KTN1: variants seen among roughly 807,000 people sequenced by gnomAD.
KTN1 encodes the protein kinectin 1.
A neutral mutation model predicts 222.5 loss-of-function variants in KTN1; 130 were observed. That is an observed-to-expected ratio of 0.58 (90% CI 0.51 to 0.68). The LOEUF (loss-of-function observed/expected upper bound fraction) is 0.68, where lower values mean the gene tolerates loss of function less well. Ranked by LOEUF, KTN1 falls within the 30% of genes least tolerant of loss-of-function variation. KTN1 has a pLI of 0.00. For synonymous variants in KTN1, 512 were observed against 496.3 expected (o/e 1.03, Z -0.42); for missense variants, 1,508 against 1,500.4 (o/e 1.01, Z -0.08).
chr14:55,637,045 A>G lies in KTN1; in HGVS notation c.1550-153A>G, dbSNP rs368911603. ...CTCTACTACTCCCTTTCTCCCATGA[A>G]ACGCAAGTATAGCCTGCTACAGGAG... On this transcript the variant is annotated intron_variant, in intron 10 of 43. Transcript: ENST00000395314. Among the ~76,000 whole-genome samples, 6 of 152,150 alleles carry G rather than the reference A, an allele frequency of 3.9e-5. No homozygotes were observed. The East Asian group carries it at 9.7e-4, about 24-fold the overall frequency.
At chr14:55,645,979 G>A (rs1362832316) in intron 18 of KTN1, among the ~76,000 whole-genome samples, 3 of 152,128 alleles carry the variant, frequency 2.0e-5, no homozygotes, top group African/African-American at 4.8e-5. Context: ...TGGGAAAGAG[G>A]TGCACAGAAG....
intron 41 of KTN1, among the ~76,000 whole-genome samples, chr14:55,676,577 T>C (rs1234336158): frequency 6.6e-6 from 1 of 152,194 alleles, no homozygotes; most frequent in Non-Finnish European, 1.5e-5. Context: ...ATTTTGATAG[T>C]ATAAAATGGA....
chr14:55,676,283 A>G (rs1305073055), intron 41 of KTN1, among the ~76,000 whole-genome samples: 1 of 152,146 alleles, frequency 6.6e-6, no homozygotes, highest in Non-Finnish European at 1.5e-5. Flanking sequence ...TAAAACAAAG[A>G]TATAAATTTC....
chr14:55,637,620 T>C (rs532539624), intron 11 of KTN1, among the ~76,000 whole-genome samples, 159 bp from the exon 12 acceptor site: 6 of 151,512 alleles, frequency 4.0e-5, no homozygotes, highest in Non-Finnish European at 8.9e-5. Flanking sequence ...TAACTCAGAT[T>C]GTCTAATCAT....
intron 34 of KTN1, chr14:55,667,896 G>A (rs1026161641): frequency 6.8e-6 from 1 of 147,330 alleles, no homozygotes; most frequent in Non-Finnish European, 1.5e-5. Flanking sequence ...CTAAAATAGA[G>A]TGTAGGGTCT....
chr14:55,647,796 T>C (rs1023094647), intron 19 of KTN1, among the ~76,000 whole-genome samples: 1 of 149,772 alleles, frequency 6.7e-6, no homozygotes, highest in African/African-American at 2.5e-5. Context: ...TACAAAAAAT[T>C]AGCCAGGCGT....
At chr14:55,598,871 C>G (rs1347617160) in intron 1 of KTN1, among the ~76,000 whole-genome samples, 1 of 152,152 alleles carries the variant, frequency 6.6e-6, no homozygotes, top group Non-Finnish European at 1.5e-5. Flanking sequence ...ATTGGAAGAT[C>G]CATAGCTTTC....
rs957340276 is a variant in KTN1, at chr14:55,641,054, A to C, written c.2022-73A>C. 3 of 1,468,570 alleles carry C rather than the reference A, an allele frequency of 2.0e-6. No homozygotes were observed. In the African/African-American group the frequency reaches 4.2e-5, roughly 21 times the overall value. The allele number at this position is 1,468,570 out of a possible 1,614,324, so 91.0% of individuals were successfully genotyped here. A position where few individuals can be genotyped will look rare whatever the true frequency, so the allele number is the denominator to read the frequency against. Reference sequence around the variant, plus strand: ...CAGAAAATATTGCTGCTTATAACTGATAGTTGTGCCCATAATTCTTGTAGA... The same window carrying C: ...CAGAAAATATTGCTGCTTATAACTGCTAGTTGTGCCCATAATTCTTGTAGA... On this transcript the variant is annotated intron_variant, in intron 16 of 43. Coordinates refer to ENST00000395314, the MANE Select transcript of KTN1 (RefSeq NM_001079521.2).
intron 7 of KTN1, among the ~76,000 whole-genome samples, chr14:55,630,562 G>A (rs1266696056): frequency 1.3e-5 from 2 of 152,092 alleles, no homozygotes; most frequent in African/African-American, 4.8e-5. Flanking sequence ...CACTCCAGGT[G>A]TTACCAGTAC....
chr14:55,599,457 T>C (rs1048677098), intron 1 of KTN1, among the ~76,000 whole-genome samples: 4 of 152,118 alleles, frequency 2.6e-5, no homozygotes, highest in Non-Finnish European at 5.9e-5. Context: ...TTGTGGCCAT[T>C]GAGCCATTTT....
Position 55,585,000 on chromosome 14 carries a change from C to T in KTN1, c.-31+4646C>T, listed in dbSNP as rs1025750910. ...ATATAAAAATAGCCAGGCATGGTAG[C>T]GTGTGCCTGTGGTCCCGGCTTCTTG... On this transcript the variant is annotated intron_variant, in intron 1 of 43. Transcript: ENST00000395314. 1.4e-4 allele frequency among the ~76,000 whole-genome samples: 22 copies of T among 151,940 alleles called. No homozygotes were observed. In the East Asian group the frequency reaches 2.9e-3, roughly 20 times the overall value.
Position 55,640,018 on chromosome 14 carries a change from A to G in KTN1, c.1914+15A>G. ...AGGAACTTAAGGTATAGTAATTTGTATAAATGGCTGCAATATTTTACAGAA... is the reference window on the plus strand; with the variant it reads ...AGGAACTTAAGGTATAGTAATTTGTGTAAATGGCTGCAATATTTTACAGAA... On this transcript the variant is annotated intron_variant, in intron 14 of 43. Coordinates refer to ENST00000395314, the MANE Select transcript of KTN1 (RefSeq NM_001079521.2). 7.1e-7 allele frequency: 1 copy of G among 1,414,040 alleles called. No homozygotes were observed. The highest frequency in any genetic ancestry group is 1.7e-5 in the Admixed American group (1 of 58,222). 87.6% of individuals were successfully genotyped at this position (1,414,040 alleles called of 1,614,324 possible).
intron 1 of KTN1, among the ~76,000 whole-genome samples, chr14:55,591,194 A>G (rs1031744005): frequency 6.6e-6 from 1 of 152,296 alleles, no homozygotes; most frequent in Middle Eastern, 3.4e-3. Context: ...ACCACTCACA[A>G]TAAGAAACAC....
intron 12 of KTN1, among the ~76,000 whole-genome samples, chr14:55,638,261 A>G (rs2041366839): frequency 6.6e-6 from 1 of 151,908 alleles, no homozygotes; most frequent in Admixed American, 6.6e-5. Context: ...TATTTGCAAA[A>G]TGATCAATTG....
intron 31 of KTN1, among the ~76,000 whole-genome samples, chr14:55,661,002 G>A (rs1404669608): frequency 1.3e-5 from 2 of 152,034 alleles, no homozygotes; most frequent in African/African-American, 2.4e-5. Context: ...TGCCTTCTGC[G>A]TTTCTGGGAA....
chr14:55,612,809 T>C (rs1267071604), intron 2 of KTN1, among the ~76,000 whole-genome samples: 2 of 151,950 alleles, frequency 1.3e-5, no homozygotes, highest in Non-Finnish European at 2.9e-5. Context: ...TCCTAGCACA[T>C]TGGGAGGCTG....
intron 21 of KTN1, 40 bp downstream of exon 21, chr14:55,648,910 T>TTTTG (rs757175242): frequency 6.0e-6 from 8 of 1,331,844 alleles, no homozygotes; most frequent in Middle Eastern, 3.9e-4. Flanking sequence ...TCTCTGTGTT[T>TTTTG]TTTGTTTGTT....
chr14:55,650,943 T>G (rs1290142924), intron 24 of KTN1, among the ~76,000 whole-genome samples: 1 of 152,114 alleles, frequency 6.6e-6, no homozygotes, highest in Non-Finnish European at 1.5e-5. Context: ...CCCTGCCCCC[T>G]TCTAAAAGAA....
rs541722029 is a variant in KTN1, at chr14:55,648,079, A to T, written c.2262A>T (p.Gly754=). The change falls in exon 20 of 44, where the codon GGA becomes GGT. Residue 754 remains glycine (G), a synonymous_variant. Transcript: ENST00000395314. ...LKTVEELLET[G]LIQVATKEEE... ...CTGTGGAAGAATTACTTGAAACTGG[A>T]CTTATTCAGGTGGCAACTAAAGAAG... 3.2e-6 allele frequency: 5 copies of T among 1,571,580 alleles called. No individual in the cohort carries two copies. In the African/African-American group the frequency reaches 4.1e-5, roughly 13 times the overall value.
Sources: allele counts gnomAD v4.1 joint callset (sites outside exome capture counted in the v4.1 genomes callset), GRCh38; gene constraint gnomAD v4.1.1; transcripts MANE v1.5; gene names NCBI Gene and HGNC (gene_info 2026-07-23, HGNC 2026-07-21).